CSMD1: variants seen among roughly 807,000 people sequenced by gnomAD.
CSMD1 encodes CUB and sushi domain-containing protein 1.
Under a neutral mutation model 417.5 loss-of-function variants are expected in CSMD1, and 213 were observed. That is an observed-to-expected ratio of 0.51 (90% confidence interval 0.46 to 0.57). The LOEUF (loss-of-function observed/expected upper bound fraction) is 0.57, where lower values mean the gene tolerates loss of function less well. Ranked by LOEUF, CSMD1 falls within the 20% of genes least tolerant of loss-of-function variation. CSMD1 has a pLI of 0.00. For missense variants in CSMD1, 6,923 were observed against 4,529.7 expected, an observed-to-expected ratio of 1.53 and a Z score of -15.17; for synonymous variants, 2,862 against 1,736.8, an observed-to-expected ratio of 1.65 and a Z score of -16.11.
At chr8:4,308,360 T>C (rs1798365432) in intron 3 of CSMD1, among the ~76,000 whole-genome samples, 1 of 151,940 alleles carries the variant, frequency 6.6e-6, no homozygotes, top group Non-Finnish European at 1.5e-5. Flanking sequence ...GTGCACTGTG[T>C]GTAGTGTGTG....
chr8:3,221,753 G>A (rs1439955780), intron 28 of CSMD1, among the ~76,000 whole-genome samples: 1 of 151,964 alleles, frequency 6.6e-6, no homozygotes, highest in Admixed American at 6.6e-5. Flanking sequence ...TTCAATTTGA[G>A]CCCCAATGTG....
chr8:4,593,370 T>C (rs750200405), intron 2 of CSMD1, among the ~76,000 whole-genome samples: 2 of 152,206 alleles, frequency 1.3e-5, no homozygotes, highest in African/African-American at 4.8e-5. Context: ...TGATAAAAAA[T>C]TAAGCATAAT....
intron 21 of CSMD1, among the ~76,000 whole-genome samples, chr8:3,357,136 T>G (rs1808848493): frequency 6.6e-6 from 1 of 151,678 alleles, no homozygotes; most frequent in African/African-American, 2.4e-5. Context: ...TGTGGGGAAT[T>G]AGAGAGAAAT....
At chr8:3,303,579 A>G (rs1004611890) in intron 25 of CSMD1, among the ~76,000 whole-genome samples, 7 of 152,246 alleles carry the variant, frequency 4.6e-5, no homozygotes, top group Non-Finnish European at 1.0e-4. Context: ...AATTAGGAAC[A>G]GAAGTACATT....
chr8:4,286,860 A>T (rs1405730694), intron 3 of CSMD1, among the ~76,000 whole-genome samples: 4 of 152,318 alleles, frequency 2.6e-5, no homozygotes, highest in African/African-American at 9.6e-5. Flanking sequence ...GATGTGCACT[A>T]ATTACACTTG....
intron 4 of CSMD1, among the ~76,000 whole-genome samples, chr8:4,024,034 A>T (rs892566742): frequency 6.6e-5 from 10 of 152,130 alleles, no homozygotes; most frequent in Non-Finnish European, 1.3e-4. Flanking sequence ...ATTGCAATTG[A>T]GAGAACATAG....
At chr8:3,349,711 C>A (rs139342055) in intron 21 of CSMD1, among the ~76,000 whole-genome samples, 2,071 of 145,782 alleles carry the variant, frequency 0.014, 56 homozygotes, top group African/African-American at 0.049. Context: ...TATATACTCA[C>A]GAGTAGGTGT....
At chr8:3,831,076 G>T (rs1014734525) in intron 5 of CSMD1, among the ~76,000 whole-genome samples, 1 of 152,066 alleles carries the variant, frequency 6.6e-6, no homozygotes, top group Non-Finnish European at 1.5e-5. Context: ...CAGAAGAAAG[G>T]AATCAAATAT....
chr8:4,090,960 C>G (rs1051761680), intron 3 of CSMD1, among the ~76,000 whole-genome samples: 9 of 151,214 alleles, frequency 6.0e-5, no homozygotes, highest in African/African-American at 2.2e-4. Flanking sequence ...GGTCTGTCAC[C>G]CAGGCTGGAG....
chr8:4,787,092 G>A (rs983143661), intron 1 of CSMD1, among the ~76,000 whole-genome samples: 6 of 152,148 alleles, frequency 3.9e-5, no homozygotes, highest in Admixed American at 1.3e-4. Flanking sequence ...CTGATAGCAG[G>A]GTGATACTCG....
At chr8:3,203,707 G>T (rs576877388) in intron 31 of CSMD1, among the ~76,000 whole-genome samples, 1 of 152,304 alleles carries the variant, frequency 6.6e-6, no homozygotes, top group South Asian at 2.1e-4. Context: ...ATAAATAACA[G>T]GAGTGACTAA....
chr8:3,848,722 A>G (rs13262870), intron 5 of CSMD1, among the ~76,000 whole-genome samples: 18,838 of 152,074 alleles, frequency 0.12, 1,259 homozygotes, highest in South Asian at 0.17. Context: ...TGAAAATGCA[A>G]TGGTCTTTTA....
rs73660331 is a variant in CSMD1, at chr8:3,597,337, G to C, written c.1098-11077C>G. On this transcript the variant is annotated intron_variant, in intron 8 of 69. Coordinates refer to ENST00000635120, the MANE Select transcript of CSMD1 (RefSeq NM_033225.6). ...CCAGCACGTTTGGCATCTCTGTCTG[G>C]TTCCAATTTCCCTCACTCTCGCTTC... 7.3e-3 allele frequency among the ~76,000 whole-genome samples: 1,107 copies of C among 152,060 alleles called. 12 individuals are homozygous for C. Among genetic ancestry groups the C allele is most frequent in the African/African-American group, 0.025 (1,039 of 41,432 alleles).
chr8:3,472,901 T>C (rs1236277797), intron 11 of CSMD1, among the ~76,000 whole-genome samples: 1 of 152,066 alleles, frequency 6.6e-6, no homozygotes, highest in African/African-American at 2.4e-5. Flanking sequence ...GAGTTTATTT[T>C]CCTCGTACTT....
intron 23 of CSMD1, among the ~76,000 whole-genome samples, chr8:3,341,142 G>C (rs1402399511): frequency 6.6e-6 from 1 of 152,118 alleles, no homozygotes; most frequent in East Asian, 1.9e-4. Context: ...GTATCCATGT[G>C]GGGTCCAGGC....
At chr8:4,174,131 G>A (rs73658434) in intron 3 of CSMD1, among the ~76,000 whole-genome samples, 26 of 152,108 alleles carry the variant, frequency 1.7e-4, no homozygotes, top group Non-Finnish European at 3.7e-4. Context: ...CCTGGAAAGG[G>A]AGGGTCACCC....
chr8:4,077,303 A>ACATG (rs2130799674), intron 3 of CSMD1, among the ~76,000 whole-genome samples: 1 of 81,572 alleles, frequency 1.2e-5, no homozygotes, highest in African/African-American at 3.1e-5. Flanking sequence ...ATGTGTATAT[A>ACATG]TATATATATA....
intron 21 of CSMD1, among the ~76,000 whole-genome samples, chr8:3,349,856 T>G (rs1808281020): frequency 7.7e-6 from 1 of 130,694 alleles, no homozygotes; most frequent in Admixed American, 8.6e-5. Flanking sequence ...TAAATATATA[T>G]AATTATATAA....
At chr8:4,056,880 G>A (rs1189867623) in intron 3 of CSMD1, among the ~76,000 whole-genome samples, 3 of 152,066 alleles carry the variant, frequency 2.0e-5, no homozygotes, top group Admixed American at 6.5e-5. Flanking sequence ...ATTTTTTATG[G>A]CTGCATAGTA....
Sources: gnomAD v4.1 joint callset for allele counts (sites outside exome capture counted in the v4.1 genomes callset) on GRCh38, gnomAD v4.1.1 for gene constraint, MANE v1.5 for transcripts, NCBI Gene and HGNC (gene_info 2026-07-23, HGNC 2026-07-21) for gene names.